SLC5A9: variants seen among roughly 807,000 people sequenced by gnomAD.
The protein encoded by SLC5A9 is solute carrier family 5 member 9.
In SLC5A9, 59 loss-of-function variants were observed where a neutral mutation model predicts 70.9. The ratio of observed to expected loss-of-function variants is 0.83; its 90% CI spans 0.68 to 1.03. The LOEUF (loss-of-function observed/expected upper bound fraction) is 1.03, where lower values mean the gene tolerates loss of function less well. Among genes scored for constraint, SLC5A9 ranks in the 50% least tolerant of loss-of-function variants. The pLI is 0.00. For synonymous variants in SLC5A9, 340 were observed against 346.5 expected (o/e 0.98, Z 0.21); for missense variants, 832 against 881.1 (o/e 0.94, Z 0.71).
Position 48,224,722 on chromosome 1 carries a change from A to G in SLC5A9, c.163-2A>G. The G allele has an allele frequency of 6.2e-7, 1 of 1,614,006 alleles. No individual in the cohort carries two copies. The highest frequency in any genetic ancestry group is 8.5e-7 in the Non-Finnish European group (1 of 1,179,970). ...TCCTCATCTCATCTATTTCCTTTCC[A>G]GTCGTCCATCCGTGCAAGTCGAGGG... On this transcript the variant is annotated splice_acceptor_variant, in intron 1 of 13. Transcript: ENST00000438567. LOFTEE classifies it high-confidence loss of function.
chr1:48,243,039 A>C lies in SLC5A9; in HGVS notation c.1837+423A>C, dbSNP rs575496408. On this transcript the variant is annotated intron_variant, in intron 13 of 13. Transcript: ENST00000438567. ...ATCCTTCCCAAATCTACCAGCACGG[A>C]AGTCCCTTCACCTCCCCTAGGTTGA... 3.9e-5 allele frequency among the ~76,000 whole-genome samples: 6 copies of C among 152,212 alleles called. No individual in the cohort carries two copies. The South Asian group carries it at 1.2e-3, about 32-fold the overall frequency.
At chr1:48,244,560 A>T (rs1236666898) in intron 13 of SLC5A9, among the ~76,000 whole-genome samples, 1 of 151,044 alleles carries the variant, frequency 6.6e-6, no homozygotes, top group African/African-American at 2.4e-5. Flanking sequence ...CCAGTATAAA[A>T]AGCTATTCAT....
At chr1:48,232,950 GAAA>G (rs1220308033) in intron 8 of SLC5A9, among the ~76,000 whole-genome samples, 14 of 117,868 alleles carry the variant, frequency 1.2e-4, no homozygotes, top group Admixed American at 1.1e-4. Context: ...AGAAGAAGAA[GAAA>G]AAAAGGAGGA....
At position 48,230,570 on chromosome 1, in the gene SLC5A9, T is replaced by C. The variant is rs190380820; in HGVS notation, c.505-30T>C. ...CAACCCTACTGAGGGCCTCGGGTGG[T>C]CTGGCCTCTTGGGTCCTGGCTCTCT... On this transcript the variant is annotated intron_variant, in intron 4 of 13. Transcript: ENST00000438567. 4.6e-5 allele frequency: 72 copies of C among 1,567,438 alleles called. No homozygotes were observed. In the East Asian group the frequency reaches 1.5e-3, roughly 33 times the overall value.
rs372125783 is a variant in SLC5A9 at position 48,239,956 on chromosome 1, C to T, written c.1677+419C>T. Among the ~76,000 whole-genome samples the T allele has an allele frequency of 1.1e-4, 16 of 152,132 alleles. No homozygotes were observed. The East Asian group carries it at 3.1e-3, about 29-fold the overall frequency. ...CTGATGAGGACACTTTGAATTAGAC[C>T]CTGAAGAATGAATAGAGAATTTTTG... On this transcript the variant is annotated intron_variant, in intron 12 of 13. Transcript: ENST00000438567. This position sits in a 1 kb window ranked among gnomAD's most constrained non-coding sequence, Gnocchi z 4.2.
At chr1:48,232,641 C>A in intron 8 of SLC5A9, 139 bp downstream of exon 8, 1 of 1,119,022 alleles carries the variant, frequency 8.9e-7, no homozygotes, top group Non-Finnish European at 1.3e-6. Context: ...CATAGCCGGT[C>A]ATGGTGGCAT....
intron 8 of SLC5A9, 51 bp from the exon 9 acceptor site, chr1:48,233,604 C>T: frequency 6.8e-7 from 1 of 1,465,550 alleles, no homozygotes; most frequent in Non-Finnish European, 9.5e-7. Flanking sequence ...ACTAGGCCAA[C>T]CTGAGAAGGC....
chr1:48,246,405 A>G (rs940767658), intron 13 of SLC5A9, among the ~76,000 whole-genome samples: 1 of 152,314 alleles, frequency 6.6e-6, no homozygotes, highest in Admixed American at 6.5e-5. Context: ...TGAACTTACC[A>G]GCTACCACAT....
chr1:48,231,702 C>T (rs900778116), intron 6 of SLC5A9, 77 bp downstream of exon 6: 20 of 1,569,582 alleles, frequency 1.3e-5, no homozygotes, highest in Non-Finnish European at 1.6e-5. Flanking sequence ...CTCCACAGTT[C>T]GATTGAAACT....
At position 48,239,354 on chromosome 1, in the gene SLC5A9, A is replaced by T. The variant is rs368222465; in HGVS notation, c.1494A>T (p.Gly498=). ...GAFWGLVFGL[G]VGLLRMILEF... ...TCTGGGGCCTCGTGTTTGGCCTGGGAGTGGGGCTTCTGCGTATGATCCTGG... is the reference window on the plus strand; with the variant it reads ...TCTGGGGCCTCGTGTTTGGCCTGGGTGTGGGGCTTCTGCGTATGATCCTGG... The change falls in exon 12 of 14, where the codon GGA becomes GGT. Residue 498 remains glycine (G), a synonymous_variant. Transcript: ENST00000438567. This position sits in a 1 kb window ranked among gnomAD's most constrained non-coding sequence, Gnocchi z 4.2. 5.0e-6 allele frequency: 8 copies of T among 1,613,092 alleles called. No individual in the cohort carries two copies. The highest frequency in any genetic ancestry group is 6.8e-6 in the Non-Finnish European group (8 of 1,179,342).
At chr1:48,234,735 G>A (rs980386656) in intron 9 of SLC5A9, among the ~76,000 whole-genome samples, 12 of 152,174 alleles carry the variant, frequency 7.9e-5, no homozygotes, top group Non-Finnish European at 1.8e-4. Context: ...GTGGTAGAAG[G>A]AGGAGTGAAT....
At position 48,222,742 on chromosome 1, in the gene SLC5A9, C is replaced by G; in HGVS notation, c.6C>G (p.Ser2Arg). Residue 2 changes from serine (S) to arginine (R), a missense_variant, in exon 1 of 14, where the codon AGC becomes AGG. Physicochemically the swap from Ser to Arg is moderately radical, Grantham distance 110. Transcript: ENST00000438567. ...CTGTTGACCAACACTAACAGATGAG[C>G]AAGGAGCTGGCAGCAATGGGGCCTG... M[S>R]KELAAMGPGA... 1 of 1,614,110 alleles carries G rather than the reference C, an allele frequency of 6.2e-7. No homozygotes were observed. The highest frequency in any genetic ancestry group is 1.1e-5 in the South Asian group (1 of 91,068).
Position 48,231,534 on chromosome 1 carries a change from T to C in SLC5A9, c.611-11T>C, listed in dbSNP as rs764286277. 4 of 1,611,508 alleles carry C rather than the reference T, an allele frequency of 2.5e-6. No homozygotes were observed. The highest frequency in any genetic ancestry group is 2.7e-5 in the African/African-American group (2 of 74,400). ...GGTGCTGACTGATGAGCCCTCTCCT[T>C]GGGTCCCCAGGTGGCCTCATGGCCG... is the stretch of plus-strand genomic sequence containing the variant. On this transcript the variant is annotated splice_polypyrimidine_tract_variant and intron_variant, in intron 5 of 13. Coordinates refer to ENST00000438567, the MANE Select transcript of SLC5A9 (RefSeq NM_001011547.3).
intron 12 of SLC5A9, among the ~76,000 whole-genome samples, chr1:48,240,126 T>C (rs182438184): frequency 1.3e-5 from 2 of 152,258 alleles, no homozygotes; most frequent in East Asian, 1.9e-4. Flanking sequence ...AGACCACCGA[T>C]TGGGTGACTT....
In SLC5A9 at chr1:48,232,494, T is replaced by C; in HGVS notation, c.1025T>C (p.Leu342Pro). The change falls in exon 8 of 14, where the codon CTG becomes CCG. Residue 342 changes from leucine to proline, a missense_variant. By Grantham distance (98) the Leu-to-Pro change is moderately conservative. Coordinates refer to ENST00000438567, the MANE Select transcript of SLC5A9 (RefSeq NM_001011547.3). ...IVMPGMISRA[L>P]FPDEVGCVDP... ...ATGCCTGGCATGATCAGCCGGGCCCTGTTCCCAGGTAAGAACGAGCCTTGC... is the reference window on the plus strand; with the variant it reads ...ATGCCTGGCATGATCAGCCGGGCCCCGTTCCCAGGTAAGAACGAGCCTTGC... 5 of 1,614,216 alleles carry C rather than the reference T, an allele frequency of 3.1e-6. No individual in the cohort carries two copies. Among genetic ancestry groups the C allele is most frequent in the Non-Finnish European group, 4.2e-6 (5 of 1,180,034 alleles).
rs578203902 is a variant in SLC5A9, at chr1:48,233,172, C to T, written c.1034-483C>T. Among the ~76,000 whole-genome samples, 3 of 151,928 alleles carry T rather than the reference C, an allele frequency of 2.0e-5. No homozygotes were observed. In the East Asian group the frequency reaches 5.8e-4, roughly 30 times the overall value. Reference sequence around the variant, plus strand: ...GGTCAGGAGTTCGAGACCAGCCTAACCAACATGGTAAAACCCCGTCTCTAC... The same window carrying T: ...GGTCAGGAGTTCGAGACCAGCCTAATCAACATGGTAAAACCCCGTCTCTAC... On this transcript the variant is annotated intron_variant, in intron 8 of 13. Coordinates refer to ENST00000438567, the MANE Select transcript of SLC5A9 (RefSeq NM_001011547.3).
chr1:48,235,965 T>C, intron 10 of SLC5A9, 86 bp downstream of exon 10: 1 of 1,506,256 alleles, frequency 6.6e-7, no homozygotes, highest in South Asian at 1.2e-5. Context: ...GTGGCTGGGT[T>C]GGACCCTGGA....
chr1:48,241,702 TTCTCTC>T lies in SLC5A9; in HGVS notation c.1678-735_1678-730del, dbSNP rs61544545. On this transcript the variant is annotated intron_variant, in intron 12 of 13. Coordinates refer to ENST00000438567, the MANE Select transcript of SLC5A9 (RefSeq NM_001011547.3). Reference sequence around the variant, plus strand: ...ATCATCATATTTGTGTGTGTACATGTTCTCTCTCTCTCTCTCTCTCTCTCTTTCTCT... The same window carrying T: ...ATCATCATATTTGTGTGTGTACATGTTCTCTCTCTCTCTCTCTCTTTCTCT... 4.4e-3 allele frequency among the ~76,000 whole-genome samples: 664 copies of T among 149,484 alleles called. 5 individuals are homozygous for T. Among genetic ancestry groups the T allele is most frequent in the African/African-American group, 5.3e-3 (216 of 40,638 alleles).
chr1:48,223,001 T>G, intron 1 of SLC5A9, 103 bp downstream of exon 1: 1 of 1,232,438 alleles, frequency 8.1e-7, no homozygotes, highest in Non-Finnish European at 1.1e-6. Context: ...AAGAAGCAGA[T>G]CATAGAACCA....
Sources: gnomAD v4.1 joint callset for allele counts (sites outside exome capture counted in the v4.1 genomes callset) on GRCh38, gnomAD v4.1.1 for gene constraint, Gnocchi (gnomAD v3.1) non-coding constraint, MANE v1.5 for transcripts, NCBI Gene and HGNC (gene_info 2026-07-23, HGNC 2026-07-21) for gene names.